The following ENOX1 variants were observed in gnomAD, a reference collection of about 807,000 sequenced individuals.
The protein encoded by ENOX1 is ecto-NOX disulfide-thiol exchanger 1.
ENOX1 carries 42 observed loss-of-function variants against 82.5 expected under a neutral mutation model. That is an observed-to-expected ratio of 0.51 (90% confidence interval 0.40 to 0.66). The LOEUF is 0.66. Among genes scored for constraint, ENOX1 ranks in the 30% least tolerant of loss-of-function variants. The probability of loss-of-function intolerance (pLI) is 0.00; values close to 1 mark genes in which losing one functional copy is unlikely to be tolerated. For synonymous variants in ENOX1, 271 were observed against 282.2 expected (o/e 0.96, Z 0.40); for missense variants, 608 against 811.6 (o/e 0.75, Z 3.05).
intron 2 of ENOX1, among the ~76,000 whole-genome samples, chr13:43,604,235 G>GT (rs1367359395): frequency 6.9e-6 from 1 of 145,178 alleles, no homozygotes; most frequent in Non-Finnish European, 1.6e-5. Context: ...TGATGGGGTT[G>GT]TTTTTTTCTT....
intron 11 of ENOX1, among the ~76,000 whole-genome samples, chr13:43,311,093 G>A (rs940224530): frequency 3.3e-5 from 5 of 151,948 alleles, no homozygotes; most frequent in Non-Finnish European, 7.4e-5. Flanking sequence ...GGGGACTACT[G>A]GGTGTGTCTG....
chr13:43,425,085 G>A (rs1262806894), intron 3 of ENOX1, among the ~76,000 whole-genome samples: 1 of 152,124 alleles, frequency 6.6e-6, no homozygotes, highest in African/African-American at 2.4e-5. Context: ...GGCAGATTAG[G>A]GGGCACAGAA....
chr13:43,606,617 A>G lies in ENOX1; in HGVS notation c.-219+60862T>C, dbSNP rs187823688. On this transcript the variant is annotated intron_variant, in intron 2 of 16. Transcript: ENST00000690772. ...TTAAAACAATTGTACTAATTGATATAGAGAGTAGAACAATGATCACCAGAG... is the reference window on the plus strand; with the variant it reads ...TTAAAACAATTGTACTAATTGATATGGAGAGTAGAACAATGATCACCAGAG... Among the ~76,000 whole-genome samples, 5 of 152,242 alleles carry G rather than the reference A, an allele frequency of 3.3e-5. No homozygotes were observed. The East Asian group carries it at 9.8e-4, about 30-fold the overall frequency.
chr13:43,611,883 G>T (rs2082215452), intron 2 of ENOX1, among the ~76,000 whole-genome samples: 4 of 152,172 alleles, frequency 2.6e-5, no homozygotes, highest in Admixed American at 6.6e-5. Flanking sequence ...TTGCTTTCTA[G>T]CCTGCTAATG....
At chr13:43,768,280 T>C (rs1433089169) in intron 1 of ENOX1, among the ~76,000 whole-genome samples, 1 of 152,174 alleles carries the variant, frequency 6.6e-6, no homozygotes, top group Non-Finnish European at 1.5e-5. Context: ...CCAATCAAAT[T>C]TTCTGTAATG....
chr13:43,461,695 C>T (rs2057493965), intron 3 of ENOX1, among the ~76,000 whole-genome samples: 1 of 151,876 alleles, frequency 6.6e-6, no homozygotes, highest in African/African-American at 2.4e-5. Context: ...AATTAGAGAG[C>T]CATAAATAAA....
At chr13:43,696,046 T>C (rs1326405253) in intron 1 of ENOX1, among the ~76,000 whole-genome samples, 2 of 152,242 alleles carry the variant, frequency 1.3e-5, no homozygotes, top group African/African-American at 4.8e-5. Context: ...ATATAATATG[T>C]AGCCTTTTGT....
chr13:43,514,943 A>G (rs889713321), intron 2 of ENOX1, among the ~76,000 whole-genome samples: 3 of 152,084 alleles, frequency 2.0e-5, no homozygotes, highest in African/African-American at 7.2e-5. Flanking sequence ...GGCTTTCTAT[A>G]TGCCAGATTG....
intron 3 of ENOX1, among the ~76,000 whole-genome samples, chr13:43,466,451 C>T (rs2057723347): frequency 6.6e-6 from 1 of 152,052 alleles, no homozygotes; most frequent in Non-Finnish European, 1.5e-5. Context: ...TTGTACTCAG[C>T]ATTTACTCCT....
chr13:43,748,309 C>T (rs868331321), intron 1 of ENOX1, among the ~76,000 whole-genome samples: 1 of 152,088 alleles, frequency 6.6e-6, no homozygotes, highest in Non-Finnish European at 1.5e-5. Flanking sequence ...ACTATAATGC[C>T]CAACAATTAA....
intron 2 of ENOX1, among the ~76,000 whole-genome samples, chr13:43,583,020 C>G (rs547289708): frequency 1.3e-5 from 2 of 152,008 alleles, no homozygotes; most frequent in African/African-American, 2.4e-5. Context: ...CACACACGCA[C>G]GCACACACAC....
intron 1 of ENOX1, among the ~76,000 whole-genome samples, chr13:43,761,482 A>T (rs1950971191): frequency 6.6e-6 from 1 of 152,232 alleles, no homozygotes; most frequent in Non-Finnish European, 1.5e-5. Flanking sequence ...AGTATAAAAA[A>T]CTACCTACAC....
intron 2 of ENOX1, among the ~76,000 whole-genome samples, chr13:43,659,106 A>G (rs116568284): frequency 1.3e-5 from 2 of 151,876 alleles, no homozygotes; most frequent in East Asian, 3.9e-4. Context: ...CCTTAATTTC[A>G]CCTCCTAACC....
chr13:43,679,939 C>T (rs151208760), intron 1 of ENOX1, among the ~76,000 whole-genome samples: 1 of 152,314 alleles, frequency 6.6e-6, no homozygotes, highest in East Asian at 1.9e-4. Flanking sequence ...TGTAAACATA[C>T]TGACCTTTTT....
chr13:43,501,162 G>GAATGAAA (rs1368541667), intron 2 of ENOX1, among the ~76,000 whole-genome samples: 1 of 150,970 alleles, frequency 6.6e-6, no homozygotes, highest in Non-Finnish European at 1.5e-5. Context: ...GAAAGTAAAA[G>GAATGAAA]AATGAAAAAA....
At chr13:43,643,801 T>C (rs969183324) in intron 2 of ENOX1, among the ~76,000 whole-genome samples, 1 of 152,176 alleles carries the variant, frequency 6.6e-6, no homozygotes, top group Admixed American at 6.5e-5. Flanking sequence ...TTATCTTCCA[T>C]CATGTGTTAA....
At chr13:43,289,420 A>C (rs1000695487) in intron 12 of ENOX1, among the ~76,000 whole-genome samples, 1 of 152,142 alleles carries the variant, frequency 6.6e-6, no homozygotes, top group Non-Finnish European at 1.5e-5. Flanking sequence ...AAAGATACAC[A>C]CTTAACAACC....
intron 2 of ENOX1, among the ~76,000 whole-genome samples, chr13:43,620,329 T>C (rs1594133312): frequency 6.6e-6 from 1 of 152,124 alleles, no homozygotes; most frequent in Non-Finnish European, 1.5e-5. Flanking sequence ...TTCCTTAAAG[T>C]ATGACCTTAG....
intron 5 of ENOX1, among the ~76,000 whole-genome samples, chr13:43,375,247 A>C (rs1476930181): frequency 6.6e-6 from 1 of 151,422 alleles, no homozygotes; most frequent in Non-Finnish European, 1.5e-5. Context: ...ACAGAGGGAG[A>C]AAAAGAACGG....
Sources: allele counts gnomAD v4.1 joint callset (sites outside exome capture counted in the v4.1 genomes callset), GRCh38; gene constraint gnomAD v4.1.1; transcripts MANE v1.5; gene names NCBI Gene and HGNC (gene_info 2026-07-23, HGNC 2026-07-21).